The following FBXL7 variants were observed in gnomAD, a reference collection of about 807,000 sequenced individuals.
FBXL7 encodes F-box/LRR-repeat protein 7.
A neutral mutation model predicts 38.3 loss-of-function variants in FBXL7; 12 were observed. The observed-to-expected ratio is 0.31, with a 90% CI of 0.20 to 0.51. The LOEUF (loss-of-function observed/expected upper bound fraction) is 0.51. FBXL7 is among the 20% of genes least tolerant of loss of function. The pLI is 0.98. For synonymous variants in FBXL7, 297 were observed against 300.9 expected, an observed-to-expected ratio of 0.99 and a Z score of 0.13; for missense variants, 567 against 676.4, an observed-to-expected ratio of 0.84 and a Z score of 1.79.
chr5:15,519,448 A>C (rs76092801), intron 1 of FBXL7, among the ~76,000 whole-genome samples: 3,036 of 145,810 alleles, frequency 0.021, 49 homozygotes, highest in Non-Finnish European at 0.034. Context: ...AGAAAACAAA[A>C]AAAAAAAACA....
At chr5:15,593,626 C>G (rs1739541468) in intron 1 of FBXL7, among the ~76,000 whole-genome samples, 1 of 152,066 alleles carries the variant, frequency 6.6e-6, no homozygotes, top group African/African-American at 2.4e-5. Context: ...GCTGATTTTC[C>G]TAGCTTTTAT....
intron 1 of FBXL7, among the ~76,000 whole-genome samples, chr5:15,602,559 C>CAG (rs1177726833): frequency 1.3e-5 from 2 of 152,034 alleles, no homozygotes; most frequent in Non-Finnish European, 2.9e-5. Flanking sequence ...CCATCAAGTG[C>CAG]AGAAGACAGG....
intron 1 of FBXL7, among the ~76,000 whole-genome samples, chr5:15,549,173 C>T (rs1012330828): frequency 1.3e-5 from 2 of 152,172 alleles, no homozygotes; most frequent in Non-Finnish European, 2.9e-5. Flanking sequence ...AATTTCCTTT[C>T]ACATCACTAA....
At position 15,790,922 on chromosome 5, in the gene FBXL7, C is replaced by T. The variant is rs75738187; in HGVS notation, c.128-136968C>T. ...AAATAAAATTAAACAGGCTTGTAGT[C>T]AAGCTTCTTAAAGTCCTTTTGGTCA... On this transcript the variant is annotated intron_variant, in intron 2 of 3. Transcript: ENST00000504595. Among the ~76,000 whole-genome samples, 1,053 of 152,260 alleles carry T rather than the reference C, an allele frequency of 6.9e-3. 8 individuals carry two copies. The highest frequency in any genetic ancestry group is 0.024 in the African/African-American group (996 of 41,538).
At chr5:15,555,784 G>GAGAT (rs70938016) in intron 1 of FBXL7, among the ~76,000 whole-genome samples, 34,597 of 139,376 alleles carry the variant, frequency 0.25, 4,607 homozygotes, top group Admixed American at 0.38. Context: ...AAGGGTAGAT[G>GAGAT]AGATAGATAG....
At chr5:15,912,712 A>T (rs988524182) in intron 2 of FBXL7, among the ~76,000 whole-genome samples, 8 of 152,118 alleles carry the variant, frequency 5.3e-5, no homozygotes, top group Non-Finnish European at 8.8e-5. Flanking sequence ...TCACTCTAGA[A>T]TTAGGCCCAT....
intron 2 of FBXL7, among the ~76,000 whole-genome samples, chr5:15,813,147 A>G (rs1026757350): frequency 1.3e-5 from 2 of 152,090 alleles, no homozygotes; most frequent in African/African-American, 4.8e-5. Context: ...ATTGCCCTGG[A>G]CAGAACTTCC....
At chr5:15,501,818 C>T in intron 1 of FBXL7, 5 of 880,376 alleles carry the variant, frequency 5.7e-6, no homozygotes, top group Non-Finnish European at 6.8e-6. Context: ...TTCTTTAAGT[C>T]ATTCTTTTTC....
Position 15,928,452 on chromosome 5 carries a change from C to G in FBXL7, c.690C>G (p.Val230=). 1 of 1,614,014 alleles carries G rather than the reference C, an allele frequency of 6.2e-7. No individual in the cohort carries two copies. Among genetic ancestry groups the G allele is most frequent in the Non-Finnish European group, 8.5e-7 (1 of 1,179,868 alleles). The change falls in exon 3 of 4, where the codon GTC becomes GTG. Residue 230 remains valine, a synonymous_variant. Coordinates refer to ENST00000504595, the MANE Select transcript of FBXL7 (RefSeq NM_012304.5). The surrounding 1 kb of genome is among the most constrained non-coding windows in gnomAD (Gnocchi z 4.0). The part of the protein sequence containing the change: ...SGCYNISNEA[V]FDVVSLCPNL... ...GTTACAATATCTCCAACGAGGCCGT[C>G]TTTGATGTGGTGTCCCTCTGCCCTA...
At chr5:15,678,621 T>C (rs1344468237) in intron 2 of FBXL7, among the ~76,000 whole-genome samples, 1 of 152,296 alleles carries the variant, frequency 6.6e-6, no homozygotes. Flanking sequence ...TCCCACATGT[T>C]GTAGGAGGGA....
rs563738628 is a variant in FBXL7, at chr5:15,799,448, G to A, written c.128-128442G>A. Among the ~76,000 whole-genome samples the A allele has an allele frequency of 2.2e-3, 286 of 129,434 alleles. 1 individual carries two copies. The highest frequency in any genetic ancestry group is 8.0e-3 in the African/African-American group (271 of 33,928). The allele number at this position is 129,434 out of a possible 152,430, so 84.9% of individuals were successfully genotyped here. On this transcript the variant is annotated intron_variant, in intron 2 of 3. Coordinates refer to ENST00000504595, the MANE Select transcript of FBXL7 (RefSeq NM_012304.5). ...GCGATGTCAGCTCACCTCAACCTCC[G>A]CCTCCTGGATTCAAGTGATTCTCCC...
intron 2 of FBXL7, among the ~76,000 whole-genome samples, chr5:15,751,254 TTC>T (rs869040547): frequency 4.5e-5 from 1 of 22,170 alleles, no homozygotes; most frequent in Non-Finnish European, 1.6e-4. Flanking sequence ...GTAAAAATTT[TTC>T]TTTTCACTTT....
At chr5:15,742,931 C>A (rs1246057500) in intron 2 of FBXL7, among the ~76,000 whole-genome samples, 2 of 152,106 alleles carry the variant, frequency 1.3e-5, no homozygotes, top group Non-Finnish European at 2.9e-5. Context: ...GAGGGAAAAA[C>A]CCCTTACAAA....
chr5:15,540,422 G>A (rs1465138963), intron 1 of FBXL7, among the ~76,000 whole-genome samples: 1 of 152,092 alleles, frequency 6.6e-6, no homozygotes. Flanking sequence ...CATATCTCAA[G>A]GTGCGAACTC....
intron 2 of FBXL7, among the ~76,000 whole-genome samples, chr5:15,845,827 C>T (rs1408361683): frequency 3.3e-4 from 50 of 151,958 alleles, no homozygotes; most frequent in Admixed American, 2.8e-3. Flanking sequence ...AAAAATTAGC[C>T]GGGCGTGGTG....
At chr5:15,526,828 G>T (rs1348013224) in intron 1 of FBXL7, among the ~76,000 whole-genome samples, 1 of 152,194 alleles carries the variant, frequency 6.6e-6, no homozygotes, top group African/African-American at 2.4e-5. Context: ...AGCACAACTT[G>T]TTGCTTCCTG....
intron 2 of FBXL7, among the ~76,000 whole-genome samples, chr5:15,807,547 G>A (rs138843986): frequency 2.5e-4 from 38 of 152,280 alleles, no homozygotes; most frequent in Admixed American, 5.2e-4. Flanking sequence ...CAGAGTATTA[G>A]AAATTGAGGT....
chr5:15,735,669 T>C (rs1159971994), intron 2 of FBXL7, among the ~76,000 whole-genome samples: 2 of 152,214 alleles, frequency 1.3e-5, no homozygotes, highest in Non-Finnish European at 2.9e-5. Context: ...AGAGGTTAAA[T>C]GTAAGAAGTA....
intron 2 of FBXL7, among the ~76,000 whole-genome samples, chr5:15,661,159 T>G (rs1385563690): frequency 6.6e-6 from 1 of 152,182 alleles, no homozygotes; most frequent in Non-Finnish European, 1.5e-5. Flanking sequence ...CTACTTTTTT[T>G]TGTTGGCTTT....
Sources: allele counts gnomAD v4.1 joint callset (sites outside exome capture counted in the v4.1 genomes callset), GRCh38; gene constraint gnomAD v4.1.1; non-coding constraint Gnocchi (gnomAD v3.1); transcripts MANE v1.5; gene names NCBI Gene and HGNC (gene_info 2026-07-23, HGNC 2026-07-21).